IQSEC2: variants seen among roughly 807,000 people sequenced by gnomAD.
IQSEC2 encodes the protein IQ motif and SEC7 domain-containing protein 2.
IQSEC2 carries 6 observed loss-of-function variants against 74.6 expected under a neutral mutation model. The ratio of observed to expected loss-of-function variants is 0.08; its 90% CI spans 0.04 to 0.16. The LOEUF is 0.16. Ranked by LOEUF, IQSEC2 falls within the 10% of genes least tolerant of loss-of-function variation. IQSEC2 has a pLI of 1.00. For synonymous variants in IQSEC2, 494 were observed against 544.5 expected (o/e 0.91, Z 1.29); for missense variants, 734 against 1,306.2 (o/e 0.56, Z 6.75).
chrX:53,286,711 G>C (rs1404594213), intron 2 of IQSEC2, among the ~76,000 whole-genome samples: 2 of 111,263 alleles, frequency 1.8e-5, no homozygotes, highest in Non-Finnish European at 1.9e-5. Flanking sequence ...GGAGGCCGAG[G>C]AGGGGGGATC....
intron 1 of IQSEC2, among the ~76,000 whole-genome samples, chrX:53,307,295 C>CTTTTT (rs60909741): frequency 2.1e-3 from 119 of 55,908 alleles, no homozygotes; most frequent in African/African-American, 4.8e-3. Context: ...TTCTTTCTTT[C>CTTTTT]TTTTTTTTTT....
intron 12 of IQSEC2, chrX:53,237,852 C>T: frequency 2.9e-6 from 1 of 345,135 alleles, no homozygotes; most frequent in Admixed American, 4.4e-5. Context: ...AGTAGTATAC[C>T]TGGGATCTAA....
At chrX:53,274,959 T>C (rs1388652172) in intron 2 of IQSEC2, among the ~76,000 whole-genome samples, 1 of 111,780 alleles carries the variant, frequency 8.9e-6, no homozygotes, top group East Asian at 2.8e-4. Context: ...GATATCTGTG[T>C]AGTAAACACT....
At chrX:53,292,048 G>T (rs1356605021) in intron 1 of IQSEC2, 124 bp from the exon 2 acceptor site, 1 of 549,350 alleles carries the variant, frequency 1.8e-6, no homozygotes, top group Non-Finnish European at 3.0e-6. Flanking sequence ...TGAGGGGAAG[G>T]GTTATTTCAT....
chrX:53,267,553 C>T (rs139298694), intron 2 of IQSEC2, among the ~76,000 whole-genome samples: 45 of 111,831 alleles, frequency 4.0e-4, no homozygotes, highest in African/African-American at 1.4e-3. Context: ...AAGTCTCAGA[C>T]TCATCCCACT....
At chrX:53,278,077 C>A (rs2074871763) in intron 2 of IQSEC2, among the ~76,000 whole-genome samples, 1 of 82,042 alleles carries the variant, frequency 1.2e-5, no homozygotes, top group Non-Finnish European at 2.1e-5. Flanking sequence ...GTGGTGCAAT[C>A]TCGGCTCACT....
chrX:53,295,699 T>C (rs1569330297), intron 1 of IQSEC2, among the ~76,000 whole-genome samples: 1 of 108,656 alleles, frequency 9.2e-6, no homozygotes, highest in Non-Finnish European at 1.9e-5. Context: ...TGGGGACTTA[T>C]GGGGAAGACA....
chrX:53,301,551 T>G (rs782817678), intron 1 of IQSEC2, among the ~76,000 whole-genome samples: 17 of 112,204 alleles, frequency 1.5e-4, no homozygotes, highest in Non-Finnish European at 3.2e-4. Flanking sequence ...GGGCTTACTT[T>G]CAGGAATTGC....
In IQSEC2 at chrX:53,250,265, C is replaced by T. The variant is rs17002631; in HGVS notation, c.2297+14G>A. 4.7e-3 allele frequency: 5,689 copies of T among 1,207,887 alleles called. 153 individuals are homozygous for T. In the African/African-American group the frequency reaches 0.086, roughly 18 times the overall value. ...GTAGGAAGGGGTAAGCAGGCTAGAA[C>T]GGGGAGCACGCACTTGTTGAAGAGG... On this transcript the variant is annotated intron_variant, in intron 5 of 14. Coordinates refer to ENST00000642864, the MANE Select transcript of IQSEC2 (RefSeq NM_001111125.3).
At chrX:53,289,503 G>A (rs192490831) in intron 2 of IQSEC2, among the ~76,000 whole-genome samples, 11 of 110,494 alleles carry the variant, frequency 1.0e-4, no homozygotes, top group Admixed American at 1.9e-4. Flanking sequence ...TCCCACCTCC[G>A]GGGACACCCT....
At chrX:53,317,280 G>A (rs782435008) in intron 1 of IQSEC2, among the ~76,000 whole-genome samples, 69 of 111,653 alleles carry the variant, frequency 6.2e-4, no homozygotes, top group Admixed American at 2.8e-3. Flanking sequence ...AGACAGGGAC[G>A]CATCTCACTC....
chrX:53,283,776 C>T (rs1224201544), intron 2 of IQSEC2, among the ~76,000 whole-genome samples: 3 of 111,982 alleles, frequency 2.7e-5, no homozygotes, highest in East Asian at 2.8e-4. Flanking sequence ...GCACTGTCCC[C>T]GGTGCTGGAT....
chrX:53,279,694 G>T, intron 2 of IQSEC2: 1 of 922,358 alleles, frequency 1.1e-6, no homozygotes, highest in Non-Finnish European at 1.6e-6. Context: ...GAGACAGAGA[G>T]AGAGACAGGG....
intron 2 of IQSEC2, among the ~76,000 whole-genome samples, chrX:53,288,490 GA>G (rs2075057075): frequency 9.2e-6 from 1 of 108,791 alleles, no homozygotes; most frequent in Non-Finnish European, 1.9e-5. Context: ...AGTTCAGGCT[GA>G]CCCTCACTGC....
intron 4 of IQSEC2, 67 bp from the exon 5 acceptor site, chrX:53,251,241 T>A: frequency 2.8e-6 from 3 of 1,083,153 alleles, no homozygotes; most frequent in Non-Finnish European, 3.8e-6. Context: ...GGAAGAATGG[T>A]GGAAGGTGGG....
chrX:53,258,188 C>A (rs1286643419), intron 2 of IQSEC2, among the ~76,000 whole-genome samples: 1 of 112,112 alleles, frequency 8.9e-6, no homozygotes, highest in Non-Finnish European at 1.9e-5. Flanking sequence ...AGGTCATATG[C>A]CACCACTAAG....
chrX:53,293,219 A>G (rs781978677), intron 1 of IQSEC2, among the ~76,000 whole-genome samples: 2 of 112,285 alleles, frequency 1.8e-5, no homozygotes, highest in South Asian at 7.4e-4. Context: ...CGGTTCCACT[A>G]TTCACAAGCC....
At chrX:53,284,653 C>T (rs1458772840) in intron 2 of IQSEC2, among the ~76,000 whole-genome samples, 1 of 111,602 alleles carries the variant, frequency 9.0e-6, no homozygotes, top group Non-Finnish European at 1.9e-5. Context: ...CTTCTCTCAA[C>T]ACTGTGTTCA....
intron 1 of IQSEC2, among the ~76,000 whole-genome samples, chrX:53,310,884 G>A (rs1366800776): frequency 9.2e-6 from 1 of 108,933 alleles, no homozygotes; most frequent in African/African-American, 3.3e-5. Flanking sequence ...ATTTTGGGAG[G>A]CCGAGGTGGG....
Sources: gnomAD v4.1 joint callset for allele counts (sites outside exome capture counted in the v4.1 genomes callset) on GRCh38, gnomAD v4.1.1 for gene constraint, MANE v1.5 for transcripts, NCBI Gene and HGNC (gene_info 2026-07-23, HGNC 2026-07-21) for gene names.